The following SORCS3 variants were observed in gnomAD, a reference collection of about 807,000 sequenced individuals.
SORCS3 encodes VPS10 domain-containing receptor SorCS3.
SORCS3 carries 57 observed loss-of-function variants against 146.3 expected under a neutral mutation model. The ratio of observed to expected loss-of-function variants is 0.39; its 90% confidence interval spans 0.31 to 0.49. SORCS3 has a LOEUF of 0.49. SORCS3 is among the 20% of genes least tolerant of loss of function. The pLI, the probability that SORCS3 is intolerant of heterozygous loss-of-function variation, is 0.92. For missense variants in SORCS3, 1,341 were observed against 1,575.5 expected (o/e 0.85, Z 2.52); for synonymous variants, 653 against 618.5 (o/e 1.06, Z -0.83).
At chr10:105,186,364 T>C (rs1434886381) in intron 14 of SORCS3, among the ~76,000 whole-genome samples, 1 of 152,232 alleles carries the variant, frequency 6.6e-6, no homozygotes. Flanking sequence ...AACATAATTG[T>C]CCTCGTGCAT....
chr10:104,901,629 C>G (rs530388034), intron 2 of SORCS3, among the ~76,000 whole-genome samples: 2 of 152,292 alleles, frequency 1.3e-5, no homozygotes, highest in South Asian at 4.2e-4. Flanking sequence ...AGGACTGTCT[C>G]TGAATTTCAC....
In SORCS3 at chr10:105,103,002, G is replaced by A. The variant is rs2055796694; in HGVS notation, c.1094-2395G>A. On this transcript the variant is annotated intron_variant, in intron 6 of 26. Transcript: ENST00000369701. ...GATGGGATTTCACCATGTTAGCCAG[G>A]GTGGTCTGATCTCCTGACCTCGTGA... 2.6e-5 allele frequency among the ~76,000 whole-genome samples: 4 copies of A among 151,604 alleles called. No individual in the cohort carries two copies. In the South Asian group the frequency reaches 8.4e-4, roughly 32 times the overall value.
At chr10:104,996,764 G>A (rs560680322) in intron 4 of SORCS3, among the ~76,000 whole-genome samples, 59 of 152,178 alleles carry the variant, frequency 3.9e-4, no homozygotes, top group African/African-American at 1.4e-3. Context: ...GTGTGAGAAA[G>A]CATTTTGAAA....
At chr10:105,215,179 G>C (rs532877016) in intron 18 of SORCS3, among the ~76,000 whole-genome samples, 1 of 152,176 alleles carries the variant, frequency 6.6e-6, no homozygotes. Flanking sequence ...AGTGTCTTCT[G>C]AAATCTGGGC....
Position 105,263,292 on chromosome 10 carries a change from GTCTTC to G in SORCS3, c.3605-9_3605-5del. 1 of 1,613,478 alleles carries G rather than the reference GTCTTC, an allele frequency of 6.2e-7. No individual in the cohort carries two copies. Among genetic ancestry groups the G allele is most frequent in the South Asian group, 1.1e-5 (1 of 91,052 alleles). ...GGAACTCACATCCATTTCTCCCTGT[GTCTTC>G]TCTTCTCTGCAGGAGGCATTGCCAC... On this transcript the variant is annotated splice_polypyrimidine_tract_variant and intron_variant, in intron 26 of 26. Transcript: ENST00000369701.
At chr10:105,022,926 G>C (rs2055206448) in intron 4 of SORCS3, among the ~76,000 whole-genome samples, 1 of 152,116 alleles carries the variant, frequency 6.6e-6, no homozygotes, top group Non-Finnish European at 1.5e-5. Context: ...TAATAAAAAG[G>C]ACTTGAGAAG....
At chr10:104,807,557 A>G (rs1306720346) in intron 1 of SORCS3, among the ~76,000 whole-genome samples, 1 of 152,224 alleles carries the variant, frequency 6.6e-6, no homozygotes, top group Admixed American at 6.5e-5. Context: ...GTGGCTTTCT[A>G]GAAGTCTAAG....
chr10:104,745,021 T>A (rs2016890849), intron 1 of SORCS3, among the ~76,000 whole-genome samples: 3 of 152,224 alleles, frequency 2.0e-5, no homozygotes. Context: ...AATCAGGGAA[T>A]GATTAGCTAC....
intron 3 of SORCS3, among the ~76,000 whole-genome samples, chr10:104,969,089 A>AT (rs1166762108): frequency 6.6e-6 from 1 of 152,138 alleles, no homozygotes; most frequent in Non-Finnish European, 1.5e-5. Context: ...CAATACACGT[A>AT]TTTTACCTTG....
At chr10:104,909,546 G>A (rs1423764534) in intron 2 of SORCS3, among the ~76,000 whole-genome samples, 1 of 152,120 alleles carries the variant, frequency 6.6e-6, no homozygotes, top group Non-Finnish European at 1.5e-5. Context: ...GCAGAGCTCA[G>A]GGGCAAGAAG....
intron 13 of SORCS3, among the ~76,000 whole-genome samples, chr10:105,168,239 A>G (rs2056331048): frequency 6.6e-6 from 1 of 152,192 alleles, no homozygotes; most frequent in African/African-American, 2.4e-5. Flanking sequence ...AGTATAGATT[A>G]TTCCTTTCAA....
At chr10:105,173,571 A>G (rs955644318) in intron 13 of SORCS3, among the ~76,000 whole-genome samples, 3 of 152,116 alleles carry the variant, frequency 2.0e-5, no homozygotes, top group African/African-American at 7.2e-5. Flanking sequence ...CTCTTAAATT[A>G]CCACCCCTCC....
At chr10:104,743,237 T>C (rs2016870763) in intron 1 of SORCS3, among the ~76,000 whole-genome samples, 1 of 152,202 alleles carries the variant, frequency 6.6e-6, no homozygotes, top group African/African-American at 2.4e-5. Context: ...GGTGTTTGCA[T>C]AACTCAGTCT....
intron 1 of SORCS3, among the ~76,000 whole-genome samples, chr10:104,715,477 C>T (rs952425569): frequency 6.6e-6 from 1 of 152,188 alleles, no homozygotes; most frequent in Non-Finnish European, 1.5e-5. Flanking sequence ...CTTCATCTTG[C>T]AGACGGCAGA....
At chr10:105,175,502 A>G (rs1466558425) in intron 13 of SORCS3, among the ~76,000 whole-genome samples, 1 of 152,150 alleles carries the variant, frequency 6.6e-6, no homozygotes, top group Non-Finnish European at 1.5e-5. Context: ...ATACTTTCTT[A>G]CCTTCCGGAC....
chr10:104,702,310 G>A (rs1209517803), intron 1 of SORCS3, among the ~76,000 whole-genome samples: 1 of 152,108 alleles, frequency 6.6e-6, no homozygotes, highest in African/African-American at 2.4e-5. Flanking sequence ...TTGAGACCTA[G>A]TCTCTCTTTG....
chr10:104,877,586 G>T (rs1165855034), intron 2 of SORCS3, among the ~76,000 whole-genome samples: 7 of 152,130 alleles, frequency 4.6e-5, no homozygotes, highest in African/African-American at 1.4e-4. Context: ...AAAAAATATA[G>T]ATGCTGGTCA....
chr10:105,104,261 A>G (rs1482964984), intron 6 of SORCS3, among the ~76,000 whole-genome samples: 2 of 152,220 alleles, frequency 1.3e-5, no homozygotes, highest in African/African-American at 2.4e-5. Flanking sequence ...AGTGATTTCT[A>G]CTTTCCATTT....
At chr10:104,655,182 G>A (rs2015612128) in intron 1 of SORCS3, among the ~76,000 whole-genome samples, 1 of 151,616 alleles carries the variant, frequency 6.6e-6, no homozygotes. Flanking sequence ...GAACCGGGGA[G>A]GCGGAGGTTG....
Sources: allele counts gnomAD v4.1 joint callset (sites outside exome capture counted in the v4.1 genomes callset), GRCh38; gene constraint gnomAD v4.1.1; transcripts MANE v1.5; gene names NCBI Gene and HGNC (gene_info 2026-07-23, HGNC 2026-07-21).